DCDC1: variants seen among roughly 807,000 people sequenced by gnomAD.
The protein encoded by DCDC1 is doublecortin domain-containing protein 1.
Under a neutral mutation model 178.3 loss-of-function variants are expected in DCDC1, and 200 were observed. The ratio of observed to expected loss-of-function variants is 1.12; its 90% CI spans 1.00 to 1.26. The LOEUF (loss-of-function observed/expected upper bound fraction) is 1.26. Among genes scored for constraint, DCDC1 ranks in the 50% most tolerant of loss-of-function variants. The pLI is 0.00. For synonymous variants in DCDC1, 690 were observed against 604.8 expected, an observed-to-expected ratio of 1.14 and a Z score of -2.07; for missense variants, 1,983 against 1,749.2, an observed-to-expected ratio of 1.13 and a Z score of -2.38.
intron 36 of DCDC1, among the ~76,000 whole-genome samples, chr11:30,885,539 A>T (rs1393224808): frequency 6.6e-6 from 1 of 152,070 alleles, no homozygotes; most frequent in East Asian, 1.9e-4. Context: ...AGACTTAGGG[A>T]ACGCAGAGAT....
chr11:30,897,582 CA>C (rs35815662), intron 34 of DCDC1, among the ~76,000 whole-genome samples: 10,367 of 72,536 alleles, frequency 0.14, 191 homozygotes, highest in Admixed American at 0.21. Context: ...GACTCCGTCT[CA>C]AAAAAAAAAA....
chr11:31,328,625 C>T (rs982099071), intron 2 of DCDC1, among the ~76,000 whole-genome samples: 17 of 151,800 alleles, frequency 1.1e-4, no homozygotes, highest in African/African-American at 1.7e-4. Flanking sequence ...AGTGAAACCC[C>T]GTCTCTACTA....
chr11:31,196,452 A>C (rs1970706100), intron 9 of DCDC1, among the ~76,000 whole-genome samples: 1 of 151,986 alleles, frequency 6.6e-6, no homozygotes, highest in African/African-American at 2.4e-5. Context: ...TCCCCAGGTT[A>C]CCCACACTTC....
chr11:31,061,564 AAAG>A (rs1008284616), intron 20 of DCDC1, among the ~76,000 whole-genome samples: 11 of 152,144 alleles, frequency 7.2e-5, no homozygotes, highest in South Asian at 6.2e-4. Context: ...TTAAGAAAAA[AAAG>A]AAGAAGAAGA....
chr11:31,239,491 C>A (rs1218752205), intron 9 of DCDC1, among the ~76,000 whole-genome samples: 1 of 151,878 alleles, frequency 6.6e-6, no homozygotes, highest in Non-Finnish European at 1.5e-5. Context: ...AAATAGAGCA[C>A]ATCTAAAGCA....
intron 20 of DCDC1, among the ~76,000 whole-genome samples, chr11:30,957,565 G>A (rs934821829): frequency 6.6e-6 from 1 of 152,180 alleles, no homozygotes; most frequent in East Asian, 1.9e-4. Flanking sequence ...TCTGTGTTAA[G>A]TCTCTGGTAA....
chr11:30,893,104 GA>G, intron 35 of DCDC1, 107 bp from the exon 36 acceptor site: 1 of 1,318,544 alleles, frequency 7.6e-7, no homozygotes, highest in Non-Finnish European at 1.0e-6. Context: ...AAATTATATG[GA>G]AAAAATTTTA....
At chr11:31,231,182 C>T (rs1243055781) in intron 9 of DCDC1, among the ~76,000 whole-genome samples, 2 of 151,884 alleles carry the variant, frequency 1.3e-5, no homozygotes, top group African/African-American at 2.4e-5. Context: ...AGGATGGTCC[C>T]GAAATCCTGG....
At chr11:30,998,092 G>C (rs1258839890) in intron 20 of DCDC1, among the ~76,000 whole-genome samples, 2 of 151,960 alleles carry the variant, frequency 1.3e-5, no homozygotes, top group African/African-American at 4.8e-5. Context: ...CCAGGAGGTC[G>C]AGACCAGTCT....
intron 20 of DCDC1, among the ~76,000 whole-genome samples, chr11:31,028,186 C>G (rs148626110): frequency 6.6e-6 from 1 of 151,786 alleles, no homozygotes; most frequent in East Asian, 1.9e-4. Context: ...ACTTTTAATT[C>G]CTAAAAGCAT....
intron 9 of DCDC1, among the ~76,000 whole-genome samples, chr11:31,204,276 C>G (rs1359297904): frequency 1.3e-5 from 2 of 151,770 alleles, no homozygotes; most frequent in East Asian, 3.9e-4. Context: ...TAAGAATGAG[C>G]TAAAATAATT....
chr11:30,939,076 G>C (rs1045225245), intron 21 of DCDC1, among the ~76,000 whole-genome samples: 14 of 152,122 alleles, frequency 9.2e-5, no homozygotes, highest in African/African-American at 3.4e-4. Flanking sequence ...ATACATCTCA[G>C]ACACACATAC....
In DCDC1 at chr11:30,888,709, C is replaced by T. The variant is rs1489714241; in HGVS notation, c.5082+4109G>A. Among the ~76,000 whole-genome samples, 2 of 152,176 alleles carry T rather than the reference C, an allele frequency of 1.3e-5. 1 individual carries two copies. The highest frequency in any genetic ancestry group is 3.9e-4 in the East Asian group (2 of 5,190). ...TCCAGCCTGGGCAACAAAAGTGGAA[C>T]TCCGTGTCAAAAGGAAACAAACAAA... On this transcript the variant is annotated intron_variant, in intron 36 of 38. Transcript: ENST00000684477.
intron 38 of DCDC1, among the ~76,000 whole-genome samples, chr11:30,876,777 T>C (rs1194199323): frequency 6.6e-6 from 1 of 152,118 alleles, no homozygotes; most frequent in Non-Finnish European, 1.5e-5. Context: ...CCTAGAGAGA[T>C]GTCTTTGTTT....
intron 9 of DCDC1, among the ~76,000 whole-genome samples, chr11:31,198,180 A>G (rs1222271012): frequency 2.0e-5 from 3 of 152,006 alleles, no homozygotes. Flanking sequence ...GCTAAAGTAT[A>G]TATGTAAAGG....
intron 20 of DCDC1, among the ~76,000 whole-genome samples, chr11:31,061,744 A>C (rs1025326536): frequency 1.3e-5 from 2 of 151,952 alleles, no homozygotes; most frequent in African/African-American, 4.8e-5. Context: ...CCCTATTAAA[A>C]ATTCTTTTCT....
Position 31,103,716 on chromosome 11 carries a change from G to A in DCDC1, c.1805C>T (p.Ala602Val). ...GLTFDRVSAFARGDIMVAYKT... is the reference protein window; with the variant it reads ...GLTFDRVSAFVRGDIMVAYKT... Reference sequence around the variant, plus strand: ...ATATGCAACCATGATATCACCTCTGGCAAATGCACTCACTCGGTCAAAGGT... The same window carrying A: ...ATATGCAACCATGATATCACCTCTGACAAATGCACTCACTCGGTCAAAGGT... Residue 602 changes from alanine to valine, a missense_variant, in exon 14 of 39, where the codon GCC becomes GTC. By Grantham distance (64) the Ala-to-Val change is moderately conservative. Transcript: ENST00000684477. The A allele has an allele frequency of 2.6e-6, 2 of 765,674 alleles. No individual in the cohort carries two copies. Among genetic ancestry groups the A allele is most frequent in the Non-Finnish European group, 4.8e-6 (2 of 417,622 alleles). 47.4% of individuals were successfully genotyped at this position (765,674 alleles called of 1,614,324 possible).
intron 9 of DCDC1, among the ~76,000 whole-genome samples, chr11:31,156,317 A>G (rs1362254362): frequency 6.6e-6 from 1 of 152,156 alleles, no homozygotes; most frequent in Non-Finnish European, 1.5e-5. Context: ...ATCAATCACA[A>G]ATATTCATCT....
intron 9 of DCDC1, among the ~76,000 whole-genome samples, chr11:31,157,960 T>C (rs1257780055): frequency 6.6e-6 from 1 of 152,230 alleles, no homozygotes; most frequent in Non-Finnish European, 1.5e-5. Context: ...TATGATGTTC[T>C]GAAATATGTA....
Sources: gnomAD v4.1 joint callset for allele counts (sites outside exome capture counted in the v4.1 genomes callset) on GRCh38, gnomAD v4.1.1 for gene constraint, MANE v1.5 for transcripts, NCBI Gene and HGNC (gene_info 2026-07-23, HGNC 2026-07-21) for gene names.